C12orf42: variants seen among roughly 807,000 people sequenced by gnomAD.
C12orf42 encodes uncharacterized protein C12orf42.
Under a neutral mutation model 21.6 loss-of-function variants are expected in C12orf42, and 25 were observed. That is an observed-to-expected ratio of 1.16 (90% CI 0.84 to 1.62). C12orf42 has a LOEUF of 1.62. Ranked by LOEUF, C12orf42 falls within the 40% of genes most tolerant of loss-of-function variation. C12orf42 has a pLI of 0.00. For synonymous variants in C12orf42, 174 were observed against 175.0 expected (o/e 0.99, Z 0.05); for missense variants, 483 against 459.3 (o/e 1.05, Z -0.47).
At chr12:103,396,869 G>C (rs2047581656) in intron 3 of C12orf42, among the ~76,000 whole-genome samples, 1 of 152,202 alleles carries the variant, frequency 6.6e-6, no homozygotes, top group South Asian at 2.1e-4. Flanking sequence ...TCATGATAAA[G>C]ACTTTGGATT....
chr12:103,401,606 C>A lies in C12orf42; in HGVS notation c.147+1G>T, dbSNP rs1328850914. ...CTGCACATAACATTCCGCTGACTCA[C>A]CTTTGCACTGGGTGTGCTTCTATCC... is the stretch of plus-strand genomic sequence containing the variant. On this transcript the variant is annotated splice_donor_variant, in intron 3 of 5. Coordinates refer to ENST00000548883, the MANE Select transcript of C12orf42 (RefSeq NM_198521.5). LOFTEE classifies it high-confidence loss of function. 3.7e-6 allele frequency: 6 copies of A among 1,613,796 alleles called. No homozygotes were observed. Among genetic ancestry groups the A allele is most frequent in the South Asian group, 1.1e-5 (1 of 91,062 alleles).
At chr12:103,057,129 A>C in the C12orf42 span, among the ~76,000 whole-genome samples, 2 of 151,330 alleles carry the variant, frequency 1.3e-5, no homozygotes, top group Admixed American at 1.3e-4. Flanking sequence ...CTTTGGTTTT[A>C]GCTGTTTTTT....
chr12:103,298,178 G>T (rs1187595528), downstream of C12orf42, among the ~76,000 whole-genome samples: 2 of 151,978 alleles, frequency 1.3e-5, no homozygotes, highest in African/African-American at 2.4e-5. Flanking sequence ...CCTGTTTGCA[G>T]ATGACATGAT....
chr12:103,306,159 T>C lies in C12orf42; in HGVS notation c.446A>G (p.Glu149Gly), dbSNP rs767461340. 5.0e-6 allele frequency: 8 copies of C among 1,613,906 alleles called. No individual in the cohort carries two copies. Among genetic ancestry groups the C allele is most frequent in the Non-Finnish European group, 6.8e-6 (8 of 1,179,858 alleles). Residue 149 changes from glutamate (E) to glycine (G), a missense_variant, in exon 5 of 6, where the codon GAA (glutamate) becomes GGA (glycine). Glu to Gly is a moderately conservative substitution (Grantham distance 98). Transcript: ENST00000548883. ...EAPLIFTARG[E>G]TEERARGAPK... ...TGCTCCTCTGGCTCTCTCCTCAGTT[T>C]CTCCTCTGGCAGTAAAAATCAATGG... is the stretch of plus-strand genomic sequence containing the variant.
At chr12:103,049,507 A>T in the C12orf42 span, among the ~76,000 whole-genome samples, 1 of 151,936 alleles carries the variant, frequency 6.6e-6, no homozygotes. Flanking sequence ...CTTGCCCCAT[A>T]CTTCTGTTCT....
At chr12:103,499,694 T>C (rs1376203239), upstream of C12orf42, among the ~76,000 whole-genome samples, 1 of 152,244 alleles carries the variant, frequency 6.6e-6, no homozygotes, top group Non-Finnish European at 1.5e-5. Flanking sequence ...CATATAGAGC[T>C]GTCCTAATAG....
At chr12:103,331,051 C>T (rs2041199124) in intron 4 of C12orf42, among the ~76,000 whole-genome samples, 1 of 152,180 alleles carries the variant, frequency 6.6e-6, no homozygotes, top group Non-Finnish European at 1.5e-5. Context: ...AAAAGATATA[C>T]AGATGCTCTT....
intron 2 of C12orf42, among the ~76,000 whole-genome samples, chr12:103,439,348 C>G (rs964440557): frequency 1.3e-5 from 2 of 151,772 alleles, no homozygotes; most frequent in African/African-American, 4.8e-5. Flanking sequence ...TAGGCATGGG[C>G]AAGGACTTCA....
At chr12:103,076,758 G>T in the C12orf42 span, among the ~76,000 whole-genome samples, 11 of 152,230 alleles carry the variant, frequency 7.2e-5, no homozygotes, top group South Asian at 2.3e-3. Context: ...GTACTAGATT[G>T]TTTGCTAAGT....
chr12:103,284,856 G>A (rs1043718704), intron 4 of C12orf42, among the ~76,000 whole-genome samples: 1 of 152,042 alleles, frequency 6.6e-6, no homozygotes, highest in Admixed American at 6.6e-5. Flanking sequence ...ATATAAGCTG[G>A]ATTACACTCA....
chr12:103,336,688 G>A (rs2041730263), intron 4 of C12orf42, among the ~76,000 whole-genome samples: 1 of 152,278 alleles, frequency 6.6e-6, no homozygotes, highest in African/African-American at 2.4e-5. Context: ...CACTGACCAA[G>A]AACATAAAAG....
chr12:103,190,517 T>C, the C12orf42 span, among the ~76,000 whole-genome samples: 1 of 152,190 alleles, frequency 6.6e-6, no homozygotes, highest in Non-Finnish European at 1.5e-5. Flanking sequence ...AATGGACATA[T>C]ATCAATCCAA....
At chr12:103,536,118 T>C in the C12orf42 span, among the ~76,000 whole-genome samples, 1 of 152,186 alleles carries the variant, frequency 6.6e-6, no homozygotes, top group Non-Finnish European at 1.5e-5. Context: ...GATTGATAGT[T>C]GGTAGGTTGG....
At chr12:103,076,197 T>G in the C12orf42 span, among the ~76,000 whole-genome samples, 2 of 151,974 alleles carry the variant, frequency 1.3e-5, no homozygotes, top group South Asian at 2.1e-4. Flanking sequence ...CAAACCTGTA[T>G]GTTCTGCACA....
the C12orf42 span, among the ~76,000 whole-genome samples, chr12:103,096,253 C>G: frequency 6.6e-6 from 1 of 152,276 alleles, no homozygotes; most frequent in African/African-American, 2.4e-5. Context: ...CAGTGCCCAA[C>G]AAGCACACAT....
chr12:103,095,568 G>A, the C12orf42 span, among the ~76,000 whole-genome samples: 1 of 152,182 alleles, frequency 6.6e-6, no homozygotes, highest in South Asian at 2.1e-4. Flanking sequence ...AAATTGCATT[G>A]ACCTTACCCT....
At chr12:103,332,957 A>G (rs529403319) in intron 4 of C12orf42, among the ~76,000 whole-genome samples, 1 of 152,378 alleles carries the variant, frequency 6.6e-6, no homozygotes, top group East Asian at 1.9e-4. Context: ...TGTGTAACAC[A>G]TAAGTCGAAG....
chr12:103,518,845 G>T, the C12orf42 span, among the ~76,000 whole-genome samples: 3 of 151,702 alleles, frequency 2.0e-5, no homozygotes, highest in Non-Finnish European at 2.9e-5. Flanking sequence ...TTTAAATAAC[G>T]TACTCAAGAT....
At chr12:103,305,484 G>C (rs2038192969) in intron 5 of C12orf42, among the ~76,000 whole-genome samples, 1 of 152,154 alleles carries the variant, frequency 6.6e-6, no homozygotes, top group African/African-American at 2.4e-5. Context: ...ATCTGAGATG[G>C]GAGAGAGTCG....
Sources: gnomAD v4.1 joint callset for allele counts (sites outside exome capture counted in the v4.1 genomes callset) on GRCh38, gnomAD v4.1.1 for gene constraint, MANE v1.5 for transcripts, NCBI Gene and HGNC (gene_info 2026-07-23, HGNC 2026-07-21) for gene names.